The following HERC2 variants were observed in gnomAD, a reference collection of about 807,000 sequenced individuals.
HERC2 encodes the protein E3 ubiquitin-protein ligase HERC2.
A neutral mutation model predicts 537.7 loss-of-function variants in HERC2; 102 were observed. The observed-to-expected ratio is 0.19, with a 90% confidence interval of 0.16 to 0.22. The LOEUF is 0.22. Among genes scored for constraint, HERC2 ranks in the 10% least tolerant of loss-of-function variants. The pLI, the probability that HERC2 is intolerant of heterozygous loss-of-function variation, is 1.00. For missense variants in HERC2, 4,236 were observed against 6,198.2 expected, an observed-to-expected ratio of 0.68 and a Z score of 10.63; for synonymous variants, 2,224 against 2,466.2, an observed-to-expected ratio of 0.90 and a Z score of 2.91.
At position 28,220,607 on chromosome 15, in the gene HERC2, T is replaced by C. The variant is rs1596266264; in HGVS notation, c.5690A>G (p.Glu1897Gly). 1.9e-6 allele frequency: 3 copies of C among 1,603,974 alleles called. No homozygotes were observed. The highest frequency in any genetic ancestry group is 2.5e-6 in the Non-Finnish European group (3 of 1,179,826). The change falls in exon 37 of 93, where the codon GAG (glutamate) becomes GGG (glycine). Residue 1897 changes from glutamate to glycine, a missense_variant. Transcript: ENST00000261609. ...PPPGLGRVIG[E>G]LGEDGWIRVQ... ...TCTTATCCATCCGTCCTCTCCCAGC[T>C]CACCAATCACGCGGCCTAGGCCTGG...
At chr15:28,318,220 T>G (rs565187411) in intron 2 of HERC2, among the ~76,000 whole-genome samples, 162 of 152,258 alleles carry the variant, frequency 1.1e-3, no homozygotes, top group South Asian at 4.8e-3. Flanking sequence ...GTACTTTCAC[T>G]GTAAAAATAA....
At chr15:28,132,568 A>T (rs900414640) in intron 80 of HERC2, 85 bp downstream of exon 80, 2 of 1,267,826 alleles carry the variant, frequency 1.6e-6, no homozygotes, top group Admixed American at 3.0e-5. Flanking sequence ...AGCATTTTTC[A>T]TAACAACGGT....
At chr15:28,310,295 A>G (rs1272503735) in intron 2 of HERC2, among the ~76,000 whole-genome samples, 1 of 152,062 alleles carries the variant, frequency 6.6e-6, no homozygotes, top group East Asian at 1.9e-4. Context: ...AAAATACAAA[A>G]AATTAGCCAG....
At chr15:28,194,993 T>C (rs1415734438) in intron 52 of HERC2, among the ~76,000 whole-genome samples, 1 of 151,000 alleles carries the variant, frequency 6.6e-6, no homozygotes, top group Non-Finnish European at 1.5e-5. Flanking sequence ...GAGGTGTCAG[T>C]TACAGTGAGC....
At chr15:28,202,714 G>A in intron 45 of HERC2, 100 bp from the exon 46 acceptor site, 1 of 435,582 alleles carries the variant, frequency 2.3e-6, no homozygotes, top group South Asian at 2.5e-5. Context: ...GTGAACTGCA[G>A]TATGCAAGTC....
chr15:28,233,355 C>A lies in HERC2; in HGVS notation c.4480-14G>T. 7.5e-7 allele frequency: 1 copy of A among 1,333,276 alleles called. No homozygotes were observed. The highest frequency in any genetic ancestry group is 1.1e-6 in the Non-Finnish European group (1 of 935,736). 82.6% of individuals were successfully genotyped at this position (1,333,276 alleles called of 1,614,324 possible). A position where few individuals can be genotyped will look rare whatever the true frequency, so the allele number is the denominator to read the frequency against. On this transcript the variant is annotated splice_polypyrimidine_tract_variant and intron_variant, in intron 29 of 92. Transcript: ENST00000261609. ...TTCTTGATGAGTCTGCAAAGTTAAC[C>A]AGGAAAAGACAACTTTAACAACAAA...
At chr15:28,259,305 G>A (rs1241744909) in intron 16 of HERC2, among the ~76,000 whole-genome samples, 1 of 151,974 alleles carries the variant, frequency 6.6e-6, no homozygotes, top group African/African-American at 2.4e-5. Context: ...ATGTTAGCCA[G>A]GCTGGTCTCA....
At chr15:28,317,127 GT>G (rs2077109352) in intron 2 of HERC2, among the ~76,000 whole-genome samples, 1 of 145,952 alleles carries the variant, frequency 6.9e-6, no homozygotes, top group African/African-American at 2.5e-5. Context: ...GTCTTGCTGT[GT>G]TGGCCAGGCT....
At chr15:28,203,528 G>A (rs1391375218) in intron 45 of HERC2, 1 of 152,096 alleles carries the variant, frequency 6.6e-6, no homozygotes, top group Non-Finnish European at 1.5e-5. Flanking sequence ...TAATAATCAT[G>A]AACTCTGGAT....
chr15:28,274,082 C>T (rs913554314), intron 7 of HERC2, among the ~76,000 whole-genome samples: 1 of 152,212 alleles, frequency 6.6e-6, no homozygotes, highest in African/African-American at 2.4e-5. Flanking sequence ...CATTTAGTAT[C>T]ACAGCTTCCT....
At chr15:28,277,108 T>C (rs2075894822) in intron 5 of HERC2, among the ~76,000 whole-genome samples, 1 of 152,014 alleles carries the variant, frequency 6.6e-6, no homozygotes, top group Admixed American at 6.6e-5. Context: ...TAATAAAAAA[T>C]TTAAAAGCCA....
At position 28,177,130 on chromosome 15, in the gene HERC2, A is replaced by G; in HGVS notation, c.9255-3T>C. The stretch of plus-strand genomic sequence containing the variant: ...TCAGCCTTGGTTTGTCACAGTTCCT[A>G]CAACAAGATGAAATCAGCTCTCTAC... On this transcript the variant is annotated splice_polypyrimidine_tract_variant and splice_region_variant and intron_variant, in intron 60 of 92. Transcript: ENST00000261609. The surrounding 1 kb of genome is among the most constrained non-coding windows in gnomAD (Gnocchi z 5.0). The G allele has an allele frequency of 6.2e-7, 1 of 1,608,502 alleles. No individual in the cohort carries two copies. Among genetic ancestry groups the G allele is most frequent in the South Asian group, 1.1e-5 (1 of 90,672 alleles).
At position 28,229,499 on chromosome 15, in the gene HERC2, C is replaced by T; in HGVS notation, c.5081G>A (p.Cys1694Tyr). 1.2e-6 allele frequency: 2 copies of T among 1,613,906 alleles called. No homozygotes were observed. The highest frequency in any genetic ancestry group is 1.7e-6 in the Non-Finnish European group (2 of 1,179,788). The change falls in exon 33 of 93, where the codon TGT becomes TAT. Residue 1694 changes from cysteine to tyrosine, a missense_variant. By Grantham distance (194) the Cys-to-Tyr change is radical. Transcript: ENST00000261609. ...LLPSVQYAMFCGWQRLIPEGI... is the reference protein window; with the variant it reads ...LLPSVQYAMFYGWQRLIPEGI... ...CTCAGGAATAAGTCTTTGCCATCCA[C>T]AAAACATCGCATACTGCACAGATGG...
chr15:28,270,802 C>T lies in HERC2; in HGVS notation c.1150G>A (p.Glu384Lys), dbSNP rs772532798. Residue 384 changes from glutamate (E) to lysine (K), a missense_variant, in exon 10 of 93, where the codon GAG becomes AAG. Around this residue, in one of 27 missense-constraint regions of HERC2, gnomAD observed 491 missense variants for 559.3 expected, o/e 0.88. Transcript: ENST00000261609. ...GTTTGTCGCAGATCAATGGCAAGCT[C>T]GTTGTCTTGTGGAAGGGTGAGGTAC... ...LRYLTLPQDN[E>K]LAIDLRQTAV... 144 of 1,613,780 alleles carry T rather than the reference C, an allele frequency of 8.9e-5. No individual in the cohort carries two copies. Among genetic ancestry groups the T allele is most frequent in the Middle Eastern group, 4.9e-4 (3 of 6,078 alleles).
intron 34 of HERC2, among the ~76,000 whole-genome samples, 184 bp from the exon 35 acceptor site, chr15:28,228,593 A>G (rs1901495571): frequency 1.3e-5 from 2 of 152,182 alleles, no homozygotes; most frequent in South Asian, 4.1e-4. Context: ...CATCTGACTA[A>G]TAAGCATTGA....
intron 55 of HERC2, among the ~76,000 whole-genome samples, chr15:28,189,441 T>C (rs1896623262): frequency 6.6e-6 from 1 of 152,254 alleles, no homozygotes; most frequent in Admixed American, 6.5e-5. Flanking sequence ...TCGGTTACAT[T>C]GCAATAAGTT....
intron 65 of HERC2, among the ~76,000 whole-genome samples, chr15:28,173,473 T>C (rs1275210622): frequency 3.9e-5 from 6 of 152,184 alleles, no homozygotes; most frequent in Non-Finnish European, 8.8e-5. Flanking sequence ...AAAGAGTATA[T>C]GCTGTATGAT....
intron 2 of HERC2, among the ~76,000 whole-genome samples, chr15:28,316,222 CAAAAAAAAAAA>C (rs869089875): frequency 1.0e-3 from 52 of 50,562 alleles, no homozygotes; most frequent in Non-Finnish European, 2.5e-3. Context: ...GACTCTGTCT[CAAAAAAAAAAA>C]AAAAAAAAAA....
At chr15:28,309,526 C>G (rs547993193) in intron 2 of HERC2, among the ~76,000 whole-genome samples, 20 of 152,128 alleles carry the variant, frequency 1.3e-4, no homozygotes, top group African/African-American at 4.8e-4. Context: ...TCCATCCCCC[C>G]GCACCGTCCT....
Sources: gnomAD v4.1 joint callset for allele counts (sites outside exome capture counted in the v4.1 genomes callset) on GRCh38, gnomAD v4.1.1 for gene constraint, gnomAD v4.1.1 regional missense constraint, Gnocchi (gnomAD v3.1) non-coding constraint, MANE v1.5 for transcripts, NCBI Gene and HGNC (gene_info 2026-07-23, HGNC 2026-07-21) for gene names.